Variants in FRK observed in about 807,000 individuals in gnomAD.
FRK encodes tyrosine-protein kinase FRK.
A neutral mutation model predicts 56.4 loss-of-function variants in FRK; 51 were observed. The observed-to-expected ratio is 0.90, with a 90% confidence interval of 0.72 to 1.14. FRK has a LOEUF of 1.14. Among genes scored for constraint, FRK ranks in the 50% most tolerant of loss-of-function variants. The probability of loss-of-function intolerance (pLI) is 0.00; values close to 1 mark genes in which losing one functional copy is unlikely to be tolerated. For missense variants in FRK, 570 were observed against 601.4 expected (o/e 0.95, Z 0.55); for synonymous variants, 245 against 217.9 (o/e 1.12, Z -1.10).
rs1021289986 is a variant in FRK at position 115,994,327 on chromosome 6, C to G, written c.466+9550G>C. ...GGGTATCCAGAATCTCACAACCTCC[C>G]CCCCCCCCGCCTTTTTTTTGTCATT... On this transcript the variant is annotated intron_variant, in intron 2 of 7. Transcript: ENST00000606080. Among the ~76,000 whole-genome samples the G allele has an allele frequency of 8.9e-5, 9 of 101,442 alleles. 1 individual carries two copies. The highest frequency in any genetic ancestry group is 4.8e-3 in the Middle Eastern group (1 of 208). The allele number at this position is 101,442 out of a possible 152,430, so 66.5% of individuals were successfully genotyped here.
At chr6:116,037,911 T>C (rs1438906883) in intron 1 of FRK, among the ~76,000 whole-genome samples, 1 of 152,218 alleles carries the variant, frequency 6.6e-6, no homozygotes, top group Non-Finnish European at 1.5e-5. Context: ...GAAGACACTT[T>C]CCTGCCTTGC....
At chr6:115,986,537 A>T (rs903046158) in intron 2 of FRK, among the ~76,000 whole-genome samples, 2 of 152,172 alleles carry the variant, frequency 1.3e-5, no homozygotes, top group African/African-American at 4.8e-5. Context: ...CTATCTGCTC[A>T]CATCTAGTCA....
intron 1 of FRK, among the ~76,000 whole-genome samples, chr6:116,025,644 T>A (rs898873218): frequency 2.0e-5 from 3 of 152,192 alleles, no homozygotes; most frequent in African/African-American, 7.2e-5. Context: ...CTAGACTTAT[T>A]AGAAGACCTA....
At chr6:116,071,415 C>G in the FRK span, among the ~76,000 whole-genome samples, 2 of 152,148 alleles carry the variant, frequency 1.3e-5, no homozygotes, top group African/African-American at 4.8e-5. Flanking sequence ...ATCCACTCAA[C>G]AAACCTAGCC....
Position 115,943,165 on chromosome 6 carries a change from A to G in FRK, c.1161T>C (p.Tyr387=), listed in dbSNP as rs1363633000. The change falls in exon 7 of 8, where the codon TAT becomes TAC. Residue 387 remains tyrosine, a synonymous_variant. Transcript: ENST00000606080. Reference sequence around the variant, plus strand: ...GCAGCTTTATTTCGTGTCTAGATTCATAGATGTCTTCATTATCTACCTGTT... The same window carrying G: ...GCAGCTTTATTTCGTGTCTAGATTCGTAGATGTCTTCATTATCTACCTGTT... ...RVFKVDNEDI[Y]ESRHEIKLPV... is the part of the protein sequence containing the mutation. The G allele has an allele frequency of 6.2e-7, 1 of 1,611,006 alleles. No individual in the cohort carries two copies. Among genetic ancestry groups the G allele is most frequent in the Admixed American group, 1.7e-5 (1 of 59,286 alleles).
At chr6:116,096,429 C>A in the FRK span, among the ~76,000 whole-genome samples, 7 of 152,164 alleles carry the variant, frequency 4.6e-5, no homozygotes, top group Non-Finnish European at 1.0e-4. Flanking sequence ...TGTAAATGCA[C>A]TAATCAGCAC....
chr6:115,973,161 C>A (rs1358683455), intron 2 of FRK, among the ~76,000 whole-genome samples: 1 of 152,152 alleles, frequency 6.6e-6, no homozygotes, highest in East Asian at 1.9e-4. Flanking sequence ...TGTCAAGCTA[C>A]CATTCCTACT....
Position 116,025,035 on chromosome 6 carries a change from C to T in FRK, c.345-21037G>A, listed in dbSNP as rs145040106. Among the ~76,000 whole-genome samples the T allele has an allele frequency of 7.8e-3, 1,191 of 152,180 alleles. 14 individuals are homozygous for T. Among genetic ancestry groups the T allele is most frequent in the African/African-American group, 0.027 (1,109 of 41,514 alleles). ...TGGCCAGTGATGGTGAGCATTTTTT[C>T]ATGTGTTTTTTGGCTGCATAAATGT... On this transcript the variant is annotated intron_variant, in intron 1 of 7. Coordinates refer to ENST00000606080, the MANE Select transcript of FRK (RefSeq NM_002031.3).
Position 115,956,430 on chromosome 6 carries a change from T to G in FRK, c.958+22A>C, listed in dbSNP as rs145105914. The G allele has an allele frequency of 1.4e-3, 2,033 of 1,469,030 alleles. 23 individuals carry two copies. The African/African-American group carries it at 0.022, about 16-fold the overall frequency. 91.0% of individuals were successfully genotyped at this position (1,469,030 alleles called of 1,614,324 possible). On this transcript the variant is annotated intron_variant, in intron 5 of 7. Transcript: ENST00000606080. ...CTAAATTAAATTCCTCTTTTTTTCC[T>G]TGTATTAAGTCTTTAGCTTACTTTG...
chr6:116,027,812 C>A (rs1418388368), intron 1 of FRK, among the ~76,000 whole-genome samples: 2 of 149,420 alleles, frequency 1.3e-5, no homozygotes, highest in Non-Finnish European at 3.0e-5. Flanking sequence ...AAGAAAAATG[C>A]AAAATGAAAC....
At chr6:115,984,756 A>T (rs1774329080) in intron 2 of FRK, among the ~76,000 whole-genome samples, 1 of 64,988 alleles carries the variant, frequency 1.5e-5, no homozygotes, top group Admixed American at 1.9e-4. Context: ...GGGGAGATTA[A>T]AAAAAAAAAA....
intron 1 of FRK, among the ~76,000 whole-genome samples, chr6:116,058,077 T>C (rs569947927): frequency 1.3e-5 from 2 of 152,280 alleles, no homozygotes; most frequent in South Asian, 4.1e-4. Flanking sequence ...AGTAGTTATA[T>C]GAGTTGAATA....
chr6:115,955,668 A>G (rs1442221951), intron 5 of FRK, among the ~76,000 whole-genome samples: 1 of 152,070 alleles, frequency 6.6e-6, no homozygotes, highest in Non-Finnish European at 1.5e-5. Context: ...TATCTTTCTG[A>G]AATCTTTGTT....
At chr6:116,018,508 A>T (rs1162639722) in intron 1 of FRK, among the ~76,000 whole-genome samples, 1 of 152,196 alleles carries the variant, frequency 6.6e-6, no homozygotes, top group Non-Finnish European at 1.5e-5. Flanking sequence ...TTGTGTTTTA[A>T]ATAATTCAGT....
chr6:115,956,701 G>T (rs1215675319), intron 4 of FRK, 91 bp from the exon 5 acceptor site: 2 of 1,028,734 alleles, frequency 1.9e-6, no homozygotes, highest in African/African-American at 1.6e-5. Context: ...ATTGCCTCCT[G>T]CTTCTCAGTA....
At chr6:116,041,649 G>C (rs1562300711) in intron 1 of FRK, among the ~76,000 whole-genome samples, 1 of 152,118 alleles carries the variant, frequency 6.6e-6, no homozygotes, top group Non-Finnish European at 1.5e-5. Context: ...AAGGGGTCAG[G>C]GAACTCCTTA....
the FRK span, among the ~76,000 whole-genome samples, chr6:116,100,173 A>G: frequency 1.3e-5 from 2 of 152,354 alleles, no homozygotes; most frequent in East Asian, 1.9e-4. Context: ...AATTCATTAC[A>G]ATAACAAAAT....
At chr6:115,991,848 C>G (rs1374508052) in intron 2 of FRK, among the ~76,000 whole-genome samples, 1 of 151,604 alleles carries the variant, frequency 6.6e-6, no homozygotes, top group African/African-American at 2.4e-5. Flanking sequence ...AAGATTGATG[C>G]TAGCTCTTCT....
chr6:116,052,823 A>G (rs1777230604), intron 1 of FRK, among the ~76,000 whole-genome samples: 1 of 152,174 alleles, frequency 6.6e-6, no homozygotes, highest in South Asian at 2.1e-4. Context: ...ACAGGGAAAG[A>G]ATATTGTGAG....
Sources: allele counts gnomAD v4.1 joint callset (sites outside exome capture counted in the v4.1 genomes callset), GRCh38; gene constraint gnomAD v4.1.1; transcripts MANE v1.5; gene names NCBI Gene and HGNC (gene_info 2026-07-23, HGNC 2026-07-21).